BRK1: variants seen among roughly 807,000 people sequenced by gnomAD.
BRK1 encodes the protein BRICK1 subunit of SCAR/WAVE actin nucleating complex.
In BRK1, 6 loss-of-function variants were observed where a neutral mutation model predicts 9.9. That is an observed-to-expected ratio of 0.60 (90% CI 0.33 to 1.19). The LOEUF (loss-of-function observed/expected upper bound fraction) is 1.19. BRK1 is among the 50% of genes most tolerant of loss of function. The pLI is 0.04. For synonymous variants in BRK1, 44 were observed against 31.9 expected, an observed-to-expected ratio of 1.38 and a Z score of -1.28; for missense variants, 62 against 97.5, an observed-to-expected ratio of 0.64 and a Z score of 1.53.
intron 1 of BRK1, among the ~76,000 whole-genome samples, chr3:10,118,199 G>A (rs550470878): frequency 6.7e-6 from 1 of 149,204 alleles, no homozygotes; most frequent in South Asian, 2.1e-4. Context: ...GTTGCAGTGA[G>A]CAGGGATCGT....
chr3:10,118,088 T>C (rs1695710397), intron 1 of BRK1, among the ~76,000 whole-genome samples: 2 of 151,974 alleles, frequency 1.3e-5, no homozygotes, highest in South Asian at 4.1e-4. Flanking sequence ...ACCCTGTCTC[T>C]ACTAAAAATA....
At position 10,119,271 on chromosome 3, in the gene BRK1, A is replaced by C. The variant is rs367777242; in HGVS notation, c.118+3452A>C. The stretch of plus-strand genomic sequence containing the variant: ...CAGGAGTTTGAGACCAGCCTGGCCA[A>C]TATGGCGAAACCCCATCTCTATAAA... On this transcript the variant is annotated intron_variant, in intron 1 of 2. Transcript: ENST00000530758. Among the ~76,000 whole-genome samples, 6 of 152,274 alleles carry C rather than the reference A, an allele frequency of 3.9e-5. No individual in the cohort carries two copies. In the East Asian group the frequency reaches 5.8e-4, roughly 15 times the overall value.
Position 10,122,624 on chromosome 3 carries a change from G to A in BRK1, c.119-3002G>A, listed in dbSNP as rs58862481. Among the ~76,000 whole-genome samples the A allele has an allele frequency of 0.16, 24,021 of 151,930 alleles. 2,431 individuals are homozygous for A. The highest frequency in any genetic ancestry group is 0.29 in the African/African-American group (11,843 of 41,362). Reference sequence around the variant, plus strand: ...TAATTGCAGCTACTCGGGAGGCTGAGGTGGAAGGATCACTTGAACCTAGGA... The same window carrying A: ...TAATTGCAGCTACTCGGGAGGCTGAAGTGGAAGGATCACTTGAACCTAGGA... On this transcript the variant is annotated intron_variant, in intron 1 of 2. Transcript: ENST00000530758.
At chr3:10,118,649 G>A (rs935812280) in intron 1 of BRK1, among the ~76,000 whole-genome samples, 4 of 151,942 alleles carry the variant, frequency 2.6e-5, no homozygotes, top group Non-Finnish European at 4.4e-5. Flanking sequence ...CACCATGCCC[G>A]GCTAATATTT....
At chr3:10,123,884 C>T (rs1429869966) in intron 1 of BRK1, among the ~76,000 whole-genome samples, 15 of 151,252 alleles carry the variant, frequency 9.9e-5, no homozygotes, top group Admixed American at 9.2e-4. Flanking sequence ...TAGAGGCACC[C>T]GCCACCACAC....
At chr3:10,117,291 G>T (rs1248094404) in intron 1 of BRK1, among the ~76,000 whole-genome samples, 1 of 151,990 alleles carries the variant, frequency 6.6e-6, no homozygotes, top group Non-Finnish European at 1.5e-5. Context: ...TGCTTTATAG[G>T]CAAGGAGATA....
chr3:10,121,950 T>A lies in BRK1; in HGVS notation c.119-3676T>A, dbSNP rs1695762786. Among the ~76,000 whole-genome samples, 8 of 146,078 alleles carry A rather than the reference T, an allele frequency of 5.5e-5. No individual in the cohort carries two copies. The South Asian group carries it at 1.8e-3, about 32-fold the overall frequency. On this transcript the variant is annotated intron_variant, in intron 1 of 2. Coordinates refer to ENST00000530758, the MANE Select transcript of BRK1 (RefSeq NM_018462.5). ...TGTTGCCCAGGCTGGAGTGCAGTGG[T>A]GCAGTCTTGACTCTCTGCAACCTCC...
In BRK1 at chr3:10,123,732, C is replaced by CTTTTTT. The variant is rs71626962; in HGVS notation, c.119-1878_119-1873dup. ...ACAGGCCTGAGCCACCGTGCCTGGC[C>CTTTTTT]TTTTTTTTTTTTTTTTTTTTTGAGA... On this transcript the variant is annotated intron_variant, in intron 1 of 2. Transcript: ENST00000530758. Among the ~76,000 whole-genome samples the CTTTTTT allele has an allele frequency of 7.6e-4, 37 of 48,694 alleles. 4 individuals are homozygous for CTTTTTT. The highest frequency in any genetic ancestry group is 2.4e-3 in the African/African-American group (16 of 6,698). 31.9% of individuals were successfully genotyped at this position (48,694 alleles called of 152,430 possible).
Position 10,125,412 on chromosome 3 carries a change from A to T in BRK1, c.119-214A>T, listed in dbSNP as rs552400151. Among the ~76,000 whole-genome samples the T allele has an allele frequency of 2.4e-4, 37 of 152,218 alleles. No individual in the cohort carries two copies. The South Asian group carries it at 7.7e-3, about 32-fold the overall frequency. The stretch of plus-strand genomic sequence containing the variant: ...GAGCCACCGTGCCCTGCAGGAAAGG[A>T]CGTTTTTGTGGGGCCGTTATTCTCT... On this transcript the variant is annotated intron_variant, in intron 1 of 2. Coordinates refer to ENST00000530758, the MANE Select transcript of BRK1 (RefSeq NM_018462.5).
intron 1 of BRK1, among the ~76,000 whole-genome samples, chr3:10,118,816 T>C (rs367972707): frequency 6.6e-6 from 1 of 152,096 alleles, no homozygotes. Context: ...ATAAAAGTTA[T>C]ACAGTATGCC....
chr3:10,115,914 CCTTCGGCTGTTG>C, intron 1 of BRK1, 95 bp downstream of exon 1: 1 of 973,166 alleles, frequency 1.0e-6, no homozygotes. Context: ...ACTCCCGCAG[CCTTCGGCTGTTG>C]CGGGTTTTCA....
intron 1 of BRK1, among the ~76,000 whole-genome samples, chr3:10,125,086 A>G (rs1274233705): frequency 6.6e-6 from 1 of 152,060 alleles, no homozygotes; most frequent in Non-Finnish European, 1.5e-5. Context: ...ATCCATATTC[A>G]CAGGATCCAG....
In BRK1 at chr3:10,119,143, C is replaced by CA. The variant is rs74416793; in HGVS notation, c.118+3342dup. Among the ~76,000 whole-genome samples the CA allele has an allele frequency of 0.21, 14,298 of 66,822 alleles. 1,231 individuals are homozygous for CA. Among genetic ancestry groups the CA allele is most frequent in the African/African-American group, 0.33 (6,886 of 20,622 alleles). The allele number at this position is 66,822 out of a possible 152,430, so 43.8% of individuals were successfully genotyped here. On this transcript the variant is annotated intron_variant, in intron 1 of 2. Coordinates refer to ENST00000530758, the MANE Select transcript of BRK1 (RefSeq NM_018462.5). ...TGGGCGAAAGAGCAAGACTCCATCTCAAAAAAAAAAAAAAAAAAGAATTTA... is the reference window on the plus strand; with the variant it reads ...TGGGCGAAAGAGCAAGACTCCATCTCAAAAAAAAAAAAAAAAAAAGAATTTA...
intron 1 of BRK1, among the ~76,000 whole-genome samples, chr3:10,117,683 C>G (rs1044827140): frequency 6.6e-4 from 101 of 152,142 alleles, no homozygotes; most frequent in Middle Eastern, 3.4e-3. Flanking sequence ...AGGCCTGAGC[C>G]ACTGTGCCCT....
chr3:10,117,745 T>C (rs1695706426), intron 1 of BRK1, among the ~76,000 whole-genome samples: 1 of 152,158 alleles, frequency 6.6e-6, no homozygotes, highest in South Asian at 2.1e-4. Flanking sequence ...TCCAGTCTTT[T>C]GGAGCCAAAA....
At chr3:10,121,445 C>T (rs1695754703) in intron 1 of BRK1, among the ~76,000 whole-genome samples, 1 of 152,098 alleles carries the variant, frequency 6.6e-6, no homozygotes, top group African/African-American at 2.4e-5. Flanking sequence ...AGTGACCCAA[C>T]ATGGGCCCTC....
At position 10,117,642 on chromosome 3, in the gene BRK1, C is replaced by T. The variant is rs265319; in HGVS notation, c.118+1823C>T. ...AAACTCCTGAGCTCAAGTGATCCAC[C>T]CGCTTCGGCCTCCCAAAGTGCTGGG... On this transcript the variant is annotated intron_variant, in intron 1 of 2. Transcript: ENST00000530758. Among the ~76,000 whole-genome samples the T allele has an allele frequency of 7.2e-5, 11 of 152,070 alleles. 1 individual carries two copies. The East Asian group carries it at 9.7e-4, about 13-fold the overall frequency.
chr3:10,117,809 G>T (rs1695707210), intron 1 of BRK1, among the ~76,000 whole-genome samples: 1 of 152,144 alleles, frequency 6.6e-6, no homozygotes, highest in Non-Finnish European at 1.5e-5. Flanking sequence ...GATGATAATG[G>T]CCAAATGTTT....
rs541076942 is a variant in BRK1, at chr3:10,123,787, G to C, written c.119-1839G>C. ...GTCTCACTCTGTCACCCAGGCTGCA[G>C]TGCAGTGGTGCAATCCCAGCTCACT... On this transcript the variant is annotated intron_variant, in intron 1 of 2. Transcript: ENST00000530758. Among the ~76,000 whole-genome samples, 110 of 122,532 alleles carry C rather than the reference G, an allele frequency of 9.0e-4. 2 individuals are homozygous for C. The highest frequency in any genetic ancestry group is 3.4e-3 in the African/African-American group (105 of 30,764). The allele number at this position is 122,532 out of a possible 152,430, so 80.4% of individuals were successfully genotyped here.
Sources: allele counts gnomAD v4.1 joint callset (sites outside exome capture counted in the v4.1 genomes callset), GRCh38; gene constraint gnomAD v4.1.1; transcripts MANE v1.5; gene names NCBI Gene and HGNC (gene_info 2026-07-23, HGNC 2026-07-21).